The following WDR59 variants were observed in gnomAD, a reference collection of about 807,000 sequenced individuals.
WDR59 encodes the protein GATOR2 complex protein WDR59.
Under a neutral mutation model 131.2 loss-of-function variants are expected in WDR59, and 100 were observed. The observed-to-expected ratio is 0.76, with a 90% confidence interval of 0.65 to 0.90. The LOEUF is 0.90. Ranked by LOEUF, WDR59 falls within the 40% of genes least tolerant of loss-of-function variation. The pLI, the probability that WDR59 is intolerant of heterozygous loss-of-function variation, is 0.00. For synonymous variants in WDR59, 601 were observed against 466.2 expected (o/e 1.29, Z -3.72); for missense variants, 1,203 against 1,262.2 (o/e 0.95, Z 0.71).
intron 2 of WDR59, among the ~76,000 whole-genome samples, chr16:74,964,533 C>A (rs1311693061): frequency 6.6e-6 from 1 of 152,040 alleles, no homozygotes; most frequent in African/African-American, 2.4e-5. Flanking sequence ...CATTGTATAT[C>A]CTTCTGAAAT....
In WDR59 at chr16:74,885,747, G is replaced by C. The variant is rs201968575; in HGVS notation, c.2595C>G (p.Cys865Trp). Residue 865 changes from cysteine to tryptophan, a missense_variant, in exon 25 of 26, where the codon TGC (cysteine) becomes TGG (tryptophan). By Grantham distance (215) the Cys-to-Trp change is radical (BLOSUM62 -2). Transcript: ENST00000262144. ...NTQQFDDFKK[C>W]YGEILYRWGL... The stretch of plus-strand genomic sequence containing the variant: ...CCCAACGGTAGAGGATTTCCCCATA[G>C]CATTTCTTAAAGTCATCAAATTGCT... 28 of 1,614,018 alleles carry C rather than the reference G, an allele frequency of 1.7e-5. No homozygotes were observed. Among genetic ancestry groups the C allele is most frequent in the Non-Finnish European group, 1.7e-6 (2 of 1,180,030 alleles).
intron 21 of WDR59, 88 bp downstream of exon 21, chr16:74,889,615 C>G: frequency 7.8e-6 from 8 of 1,028,550 alleles, no homozygotes; most frequent in Non-Finnish European, 1.2e-5. Flanking sequence ...GGCCTCTGCA[C>G]CTTTCTCTTA....
intron 20 of WDR59, among the ~76,000 whole-genome samples, chr16:74,891,142 T>C (rs928168972): frequency 6.7e-6 from 1 of 150,300 alleles, no homozygotes; most frequent in Non-Finnish European, 1.5e-5. Context: ...AATCAAATAC[T>C]ATTTTCTGGA....
chr16:74,892,663 G>T (rs988714004), intron 19 of WDR59, 98 bp from the exon 20 acceptor site: 19 of 1,001,046 alleles, frequency 1.9e-5, no homozygotes, highest in Non-Finnish European at 2.8e-5. Flanking sequence ...TGACTCTTTG[G>T]TTATCACTCA....
chr16:74,982,174 G>C (rs951777317), intron 1 of WDR59, among the ~76,000 whole-genome samples: 1 of 150,404 alleles, frequency 6.6e-6, no homozygotes, highest in African/African-American at 2.4e-5. Context: ...AAAAGATGTG[G>C]AGTGTTTTGA....
chr16:74,882,451 T>C (rs1772909661), intron 25 of WDR59, among the ~76,000 whole-genome samples: 1 of 152,074 alleles, frequency 6.6e-6, no homozygotes, highest in African/African-American at 2.4e-5. Flanking sequence ...AAATAGCAAT[T>C]ACCAGGTATG....
chr16:74,885,028 C>G (rs1304340623), intron 25 of WDR59, among the ~76,000 whole-genome samples: 1 of 152,248 alleles, frequency 6.6e-6, no homozygotes, highest in Non-Finnish European at 1.5e-5. Flanking sequence ...CAGCTGTAAG[C>G]TCCATGGGGG....
In WDR59 at chr16:74,971,093, A is replaced by T. The variant is rs541499119; in HGVS notation, c.55-5271T>A. ...GATGGTAGGTCAGAACCAAGTCAAA[A>T]TCAAGGTCCTTCCAGCTCACAATGT... On this transcript the variant is annotated intron_variant, in intron 1 of 25. Transcript: ENST00000262144. 2.0e-5 allele frequency among the ~76,000 whole-genome samples: 3 copies of T among 152,182 alleles called. No individual in the cohort carries two copies. The East Asian group carries it at 5.8e-4, about 29-fold the overall frequency.
chr16:74,879,773 C>A (rs556316246), intron 25 of WDR59, among the ~76,000 whole-genome samples: 1 of 152,080 alleles, frequency 6.6e-6, no homozygotes, highest in African/African-American at 2.4e-5. Flanking sequence ...AACCTTAGAA[C>A]AATAACCCCA....
At chr16:74,971,721 C>T (rs1054888237) in intron 1 of WDR59, among the ~76,000 whole-genome samples, 7 of 152,066 alleles carry the variant, frequency 4.6e-5, no homozygotes, top group African/African-American at 1.7e-4. Context: ...GTGTGAGCCA[C>T]AGCACCCAGC....
At position 74,956,491 on chromosome 16, in the gene WDR59, T is replaced by C; in HGVS notation, c.224A>G (p.His75Arg). 1.9e-6 allele frequency: 3 copies of C among 1,613,474 alleles called. No individual in the cohort carries two copies. The highest frequency in any genetic ancestry group is 2.5e-6 in the Non-Finnish European group (3 of 1,179,878). The change falls in exon 3 of 26, where the codon CAC (histidine) becomes CGC (arginine). Residue 75 changes from histidine (H) to arginine (R), a missense_variant. Transcript: ENST00000262144. ...TAAGCTCACCGAAGCCGCAAAATAG[T>C]GTGCAAAGCTGTCATGAGGATTCCA... is the stretch of plus-strand genomic sequence containing the variant. ...VQWNPHDSFAHYFAASSNQRV... is the reference protein window; with the variant it reads ...VQWNPHDSFARYFAASSNQRV...
intron 4 of WDR59, among the ~76,000 whole-genome samples, chr16:74,950,898 G>A (rs1429911882): frequency 6.6e-6 from 1 of 151,394 alleles, no homozygotes; most frequent in Non-Finnish European, 1.5e-5. Context: ...GTTCACGCCT[G>A]TAATCCCAAC....
At chr16:74,895,444 G>A (rs1038709716) in intron 18 of WDR59, among the ~76,000 whole-genome samples, 3 of 152,032 alleles carry the variant, frequency 2.0e-5, no homozygotes, top group Non-Finnish European at 4.4e-5. Flanking sequence ...TGTATTTTTA[G>A]TAGAGACAGG....
At chr16:74,936,817 C>T (rs2031837657) in intron 8 of WDR59, among the ~76,000 whole-genome samples, 1 of 151,348 alleles carries the variant, frequency 6.6e-6, no homozygotes, top group African/African-American at 2.4e-5. Context: ...AAAGTGAGAC[C>T]CAGTCTCAAA....
Position 74,872,100 on chromosome 16 carries a change from G to A in WDR59, c.*2109C>T, listed in dbSNP as rs141193523. On this transcript the variant is annotated 3_prime_UTR_variant, in exon 26 of 26. Coordinates refer to ENST00000262144, the MANE Select transcript of WDR59 (RefSeq NM_030581.4). ...ACATGTGCTGCACACACGTAAACAAGTTACACAAAACATTTTCCTTAGCTA... is the reference window on the plus strand; with the variant it reads ...ACATGTGCTGCACACACGTAAACAAATTACACAAAACATTTTCCTTAGCTA... The A allele has an allele frequency of 6.6e-6, 1 of 152,350 alleles. No individual in the cohort carries two copies. The highest frequency in any genetic ancestry group is 1.5e-5 in the Non-Finnish European group (1 of 68,046). The allele number at this position is 152,350 out of a possible 1,614,324, so 9.4% of individuals were successfully genotyped here. A position where few individuals can be genotyped will look rare whatever the true frequency, so the allele number is the denominator to read the frequency against.
At chr16:74,900,911 G>T (rs1965517977) in intron 18 of WDR59, among the ~76,000 whole-genome samples, 2 of 152,240 alleles carry the variant, frequency 1.3e-5, no homozygotes, top group Non-Finnish European at 2.9e-5. Flanking sequence ...CTGAGGTCAG[G>T]AGTTCGAGAC....
At chr16:74,921,084 A>AT (rs869102716) in intron 10 of WDR59, among the ~76,000 whole-genome samples, 2 of 151,764 alleles carry the variant, frequency 1.3e-5, no homozygotes, top group East Asian at 1.9e-4. Context: ...GTAAAAAAAA[A>AT]TTTTTTTTTA....
intron 3 of WDR59, among the ~76,000 whole-genome samples, chr16:74,954,305 G>A (rs1165487994): frequency 6.6e-6 from 1 of 152,070 alleles, no homozygotes; most frequent in Non-Finnish European, 1.5e-5. Flanking sequence ...CTACTTGGGA[G>A]GCTGAGGCAG....
At position 74,917,951 on chromosome 16, in the gene WDR59, C is replaced by T. The variant is rs1434639083; in HGVS notation, c.944G>A (p.Arg315Gln). 6 of 1,613,944 alleles carry T rather than the reference C, an allele frequency of 3.7e-6. No individual in the cohort carries two copies. Among genetic ancestry groups the T allele is most frequent in the African/African-American group, 2.7e-5 (2 of 74,908 alleles). Residue 315 changes from arginine to glutamine, a missense_variant, in exon 11 of 26, where the codon CGG (arginine) becomes CAG (glutamine). Transcript: ENST00000262144. ...WSRDQTLRMW[R>Q]VDSQMQRLCA... is the part of the protein sequence containing the mutation. ...TACCCTCTGCATCTGGGAATCCACCCGCCACATTCTCAAGGTCTGATCCCG... is the reference window on the plus strand; with the variant it reads ...TACCCTCTGCATCTGGGAATCCACCTGCCACATTCTCAAGGTCTGATCCCG...
Sources: allele counts gnomAD v4.1 joint callset (sites outside exome capture counted in the v4.1 genomes callset), GRCh38; gene constraint gnomAD v4.1.1; transcripts MANE v1.5; gene names NCBI Gene and HGNC (gene_info 2026-07-23, HGNC 2026-07-21).